WASHC4: variants seen among roughly 807,000 people sequenced by gnomAD.
WASHC4 encodes the protein WASH complex subunit 4.
Under a neutral mutation model 166.6 loss-of-function variants are expected in WASHC4, and 86 were observed. The observed-to-expected ratio is 0.52, with a 90% CI of 0.43 to 0.62. WASHC4 has a LOEUF of 0.62. WASHC4 is among the 20% of genes least tolerant of loss of function. The pLI is 0.00. For missense variants in WASHC4, 1,262 were observed against 1,382.4 expected (o/e 0.91, Z 1.38); for synonymous variants, 446 against 451.6 (o/e 0.99, Z 0.16).
chr12:105,149,062 C>T (rs1238177917), intron 24 of WASHC4: 1 of 981,632 alleles, frequency 1.0e-6, no homozygotes, highest in Admixed American at 6.2e-5. Context: ...GTCACCTGTT[C>T]TAGAATATAA....
At position 105,140,405 on chromosome 12, in the gene WASHC4, T is replaced by A. The variant is rs746122056; in HGVS notation, c.1560+4T>A. 2 of 1,574,840 alleles carry A rather than the reference T, an allele frequency of 1.3e-6. No homozygotes were observed. Among genetic ancestry groups the A allele is most frequent in the Non-Finnish European group, 1.7e-6 (2 of 1,144,178 alleles). On this transcript the variant is annotated splice_donor_region_variant and intron_variant, in intron 16 of 32. Coordinates refer to ENST00000332180, the MANE Select transcript of WASHC4 (RefSeq NM_015275.3). ...TCATTCTATTTCTGTGGCCAAGGTATGCAGCTTATTATGTATTTAGCATAA... is the reference window on the plus strand; with the variant it reads ...TCATTCTATTTCTGTGGCCAAGGTAAGCAGCTTATTATGTATTTAGCATAA...
At chr12:105,132,292 C>T (rs1881904250) in intron 13 of WASHC4, among the ~76,000 whole-genome samples, 1 of 152,208 alleles carries the variant, frequency 6.6e-6, no homozygotes, top group African/African-American at 2.4e-5. Flanking sequence ...TTGCCTCAGC[C>T]TCCGGAGTAG....
Position 105,123,345 on chromosome 12 carries a change from AAGTT to A in WASHC4, c.786+1110_786+1113del, listed in dbSNP as rs1208674512. ...GGTGGGGAAAGCAGAGATAGGCTGA[AAGTT>A]AGGCCTCTTGCTGTGACTAGCTAGC... On this transcript the variant is annotated intron_variant, in intron 10 of 32. Coordinates refer to ENST00000332180, the MANE Select transcript of WASHC4 (RefSeq NM_015275.3). Among the ~76,000 whole-genome samples, 15 of 152,248 alleles carry A rather than the reference AAGTT, an allele frequency of 9.9e-5. No individual in the cohort carries two copies. In the East Asian group the frequency reaches 1.5e-3, roughly 16 times the overall value.
At chr12:105,134,591 A>G (rs1882144726) in intron 14 of WASHC4, among the ~76,000 whole-genome samples, 1 of 151,968 alleles carries the variant, frequency 6.6e-6, no homozygotes, top group Non-Finnish European at 1.5e-5. Context: ...ATTCCTTGTT[A>G]TCTCTAGTAA....
chr12:105,131,892 T>A lies in WASHC4; in HGVS notation c.1200-1878T>A, dbSNP rs79957982. On this transcript the variant is annotated intron_variant, in intron 13 of 32. Coordinates refer to ENST00000332180, the MANE Select transcript of WASHC4 (RefSeq NM_015275.3). ...TGTGCTAGGGTTTCACCTCCCTGAG[T>A]CACATTTATTAGAGATTTTGACAGG... is the stretch of plus-strand genomic sequence containing the variant. Among the ~76,000 whole-genome samples, 255 of 152,254 alleles carry A rather than the reference T, an allele frequency of 1.7e-3. 1 individual carries two copies. The highest frequency in any genetic ancestry group is 5.7e-3 in the African/African-American group (239 of 41,566).
chr12:105,111,042 G>A (rs374922043), intron 1 of WASHC4, 83 bp from the exon 2 acceptor site: 27 of 1,000,112 alleles, frequency 2.7e-5, no homozygotes, highest in East Asian at 1.8e-4. Context: ...AGTGCTTTGC[G>A]TGACTTTTGA....
chr12:105,139,433 A>G (rs758694495), intron 15 of WASHC4, among the ~76,000 whole-genome samples: 33,688 of 119,334 alleles, frequency 0.28, 4,902 homozygotes, highest in East Asian at 0.42. Flanking sequence ...GTGTATATAT[A>G]TATATATATA....
intron 20 of WASHC4, 84 bp downstream of exon 20, chr12:105,143,327 C>T (rs544966595): frequency 6.5e-6 from 5 of 770,014 alleles, no homozygotes; most frequent in African/African-American, 1.7e-5. Flanking sequence ...GAAGCAGACT[C>T]ACTGAGTTAA....
At chr12:105,151,120 G>A (rs1032356542) in intron 25 of WASHC4, among the ~76,000 whole-genome samples, 4 of 130,960 alleles carry the variant, frequency 3.1e-5, no homozygotes, top group Non-Finnish European at 6.2e-5. Flanking sequence ...TCTCCAGCCT[G>A]AGTGACAAGA....
chr12:105,129,553 G>C (rs1328352276), intron 13 of WASHC4, among the ~76,000 whole-genome samples: 1 of 152,154 alleles, frequency 6.6e-6, no homozygotes, highest in Non-Finnish European at 1.5e-5. Flanking sequence ...CTGGTGTTTG[G>C]TGGTGCCATG....
rs1055523323 is a variant in WASHC4 at position 105,144,824 on chromosome 12, T to C, written c.2286T>C (p.Tyr762=). The change falls in exon 22 of 33, where the codon TAT becomes TAC. Residue 762 remains tyrosine, a synonymous_variant. Transcript: ENST00000332180. The part of the protein sequence containing the change: ...SEMRNLATQR[Y]GLVMTEAHLP... Reference sequence around the variant, plus strand: ...TGAGAAACTTAGCTACTCAGCGTTATGGACTGGTTATGACAGAGGCACATC... The same window carrying C: ...TGAGAAACTTAGCTACTCAGCGTTACGGACTGGTTATGACAGAGGCACATC... The C allele has an allele frequency of 6.2e-6, 10 of 1,613,334 alleles. No homozygotes were observed. Among genetic ancestry groups the C allele is most frequent in the Non-Finnish European group, 2.5e-6 (3 of 1,179,538 alleles).
chr12:105,169,119 T>G lies in WASHC4; in HGVS notation c.*2188T>G, dbSNP rs1393192473. ...GTGTATACTAAAACATTAATAAACA[T>G]AATTTTGAAAATTTCCTTCCCCTGG... On this transcript the variant is annotated 3_prime_UTR_variant, in exon 33 of 33. Coordinates refer to ENST00000332180, the MANE Select transcript of WASHC4 (RefSeq NM_015275.3). 1 of 152,596 alleles carries G rather than the reference T, an allele frequency of 6.6e-6. No homozygotes were observed. The highest frequency in any genetic ancestry group is 1.5e-5 in the Non-Finnish European group (1 of 68,012). The allele number at this position is 152,596 out of a possible 1,614,324, so 9.5% of individuals were successfully genotyped here.
intron 15 of WASHC4, among the ~76,000 whole-genome samples, chr12:105,138,528 G>A (rs1882518737): frequency 1.3e-5 from 2 of 152,126 alleles, no homozygotes; most frequent in African/African-American, 4.8e-5. Context: ...AAGAATTACA[G>A]TGCACTTATG....
chr12:105,127,716 A>G lies in WASHC4; in HGVS notation c.1199+427A>G, dbSNP rs143771147. Among the ~76,000 whole-genome samples, 76 of 152,176 alleles carry G rather than the reference A, an allele frequency of 5.0e-4. No individual in the cohort carries two copies. In the East Asian group the frequency reaches 0.012, roughly 25 times the overall value. ...TTTTATGAAAATAGTATATGCATGT[A>G]TATAAAACATCAAAAAGTGCTAAAG... is the stretch of plus-strand genomic sequence containing the variant. On this transcript the variant is annotated intron_variant, in intron 13 of 32. Coordinates refer to ENST00000332180, the MANE Select transcript of WASHC4 (RefSeq NM_015275.3).
chr12:105,152,863 C>G (rs886583604), intron 26 of WASHC4, among the ~76,000 whole-genome samples: 1 of 152,082 alleles, frequency 6.6e-6, no homozygotes, highest in Admixed American at 6.6e-5. Context: ...TATGTTACAC[C>G]ATTTTACTTG....
rs1289363648 is a variant in WASHC4, at chr12:105,137,997, G to T, written c.1438G>T (p.Val480Phe). The stretch of plus-strand genomic sequence containing the variant: ...CTCAGTTAAGGCATTGTGCAGGCTT[G>T]TTGAACTTCTCAAGGTAGGTTTTAG... ...KTSVKALCRL[V>F]ELLKAIEHMF... The change falls in exon 15 of 33, where the codon GTT becomes TTT. Residue 480 changes from valine (V) to phenylalanine (F), a missense_variant. Physicochemically the swap from Val to Phe is conservative, Grantham distance 50. Coordinates refer to ENST00000332180, the MANE Select transcript of WASHC4 (RefSeq NM_015275.3). 1.2e-6 allele frequency: 2 copies of T among 1,612,490 alleles called. No homozygotes were observed. Among genetic ancestry groups the T allele is most frequent in the African/African-American group, 2.7e-5 (2 of 74,876 alleles).
chr12:105,143,336 A>G (rs1376954922), intron 20 of WASHC4, 93 bp downstream of exon 20: 1 of 729,658 alleles, frequency 1.4e-6, no homozygotes, highest in East Asian at 2.7e-5. Context: ...TCACTGAGTT[A>G]AAATTATTTA....
In WASHC4 at chr12:105,143,177, G is replaced by A. The variant is rs755715859; in HGVS notation, c.1944G>A (p.Arg648=). The A allele has an allele frequency of 1.6e-5, 25 of 1,611,642 alleles. No individual in the cohort carries two copies. The East Asian group carries it at 4.7e-4, about 30-fold the overall frequency. Residue 648 remains arginine, a synonymous_variant, in exon 20 of 33, where the codon AGG becomes AGA. Coordinates refer to ENST00000332180, the MANE Select transcript of WASHC4 (RefSeq NM_015275.3). ...GTGTACCTGCTATGATGCATGCAAG[G>A]CATTTAGAGTCCTATGAGATACTTC... ...RDCVPAMMHA[R]HLESYEILLD...
intron 25 of WASHC4, among the ~76,000 whole-genome samples, chr12:105,150,978 A>G (rs1883714895): frequency 6.6e-6 from 1 of 151,974 alleles, no homozygotes; most frequent in Admixed American, 6.6e-5. Context: ...CTCTCAGGAC[A>G]TGTGGGGATT....
Sources: gnomAD v4.1 joint callset for allele counts (sites outside exome capture counted in the v4.1 genomes callset) on GRCh38, gnomAD v4.1.1 for gene constraint, MANE v1.5 for transcripts, NCBI Gene and HGNC (gene_info 2026-07-23, HGNC 2026-07-21) for gene names.